ZFP62: variants seen among roughly 807,000 people sequenced by gnomAD.
The protein encoded by ZFP62 is ZFP62 zinc finger protein, also known as zinc finger protein 62 homolog.
A neutral mutation model predicts 56.4 loss-of-function variants in ZFP62; 44 were observed. The ratio of observed to expected loss-of-function variants is 0.78; its 90% CI spans 0.61 to 1.00. The LOEUF (loss-of-function observed/expected upper bound fraction) is 1.00, where lower values mean the gene tolerates loss of function less well. Among genes scored for constraint, ZFP62 ranks in the 50% least tolerant of loss-of-function variants. ZFP62 has a pLI of 0.00. For missense variants in ZFP62, 1,030 were observed against 1,085.7 expected (o/e 0.95, Z 0.72); for synonymous variants, 421 against 388.9 (o/e 1.08, Z -0.97).
In ZFP62 at chr5:180,850,994, C is replaced by T; in HGVS notation, c.501G>A (p.Lys167=). 2 of 1,552,100 alleles carry T rather than the reference C, an allele frequency of 1.3e-6. No homozygotes were observed. Among genetic ancestry groups the T allele is most frequent in the Non-Finnish European group, 8.7e-7 (1 of 1,147,284 alleles). The change falls in exon 2 of 2, where the codon AAG becomes AAA. Residue 167 remains lysine, a synonymous_variant. Transcript: ENST00000502412. Reference sequence around the variant, plus strand: ...CTCCACAGTCATCACATTCATAGCGCTTTTCCCCAGTGTGCATAATTTTAT... The same window carrying T: ...CTCCACAGTCATCACATTCATAGCGTTTTTCCCCAGTGTGCATAATTTTAT... ...VQHKIMHTGE[K]RYECDDCGGT...
the ZFP62 span, among the ~76,000 whole-genome samples, chr5:180,841,734 T>C: frequency 8.5e-5 from 13 of 152,252 alleles, no homozygotes; most frequent in African/African-American, 3.1e-4. Context: ...AAAATAAAGC[T>C]ACATTTGAGA....
chr5:180,859,185 T>C (rs532115746), intron 1 of ZFP62, among the ~76,000 whole-genome samples: 1 of 152,192 alleles, frequency 6.6e-6, no homozygotes, highest in Non-Finnish European at 1.5e-5. Flanking sequence ...CGACTTTCAA[T>C]TTGCAGAGTC....
At chr5:180,828,207 G>A in the ZFP62 span, among the ~76,000 whole-genome samples, 10 of 152,294 alleles carry the variant, frequency 6.6e-5, no homozygotes, top group East Asian at 1.5e-3. Flanking sequence ...ACACCCACAG[G>A]TGTGGAGGGG....
At chr5:180,858,569 T>C (rs1177323775) in intron 1 of ZFP62, among the ~76,000 whole-genome samples, 10 of 151,980 alleles carry the variant, frequency 6.6e-5, no homozygotes, top group Admixed American at 3.3e-4. Context: ...GATAGCGCCA[T>C]TGCACTCCAG....
chr5:180,853,150 G>A (rs375632759), intron 1 of ZFP62, among the ~76,000 whole-genome samples: 1 of 152,204 alleles, frequency 6.6e-6, no homozygotes, highest in Middle Eastern at 3.2e-3. Flanking sequence ...AGCATTAATT[G>A]TAACTGCAAA....
Position 180,847,966 on chromosome 5 carries a change from G to T in ZFP62, c.*826C>A, listed in dbSNP as rs1199261511. On this transcript the variant is annotated 3_prime_UTR_variant, in exon 2 of 2. Coordinates refer to ENST00000502412, the MANE Select transcript of ZFP62 (RefSeq NM_001172638.2). ...TTGACGGTGTGTTCCATTAGTTACT[G>T]AATGTGTCAAAATCCTCTCCACGGT... The T allele has an allele frequency of 3.0e-6, 3 of 985,268 alleles. No homozygotes were observed. In the African/African-American group the frequency reaches 5.2e-5, roughly 17 times the overall value. The allele number at this position is 985,268 out of a possible 1,614,324, so 61.0% of individuals were successfully genotyped here. A position where few individuals can be genotyped will look rare whatever the true frequency, so the allele number is the denominator to read the frequency against.
downstream of ZFP62, among the ~76,000 whole-genome samples, chr5:180,843,505 C>T (rs1014815464): frequency 6.6e-6 from 1 of 151,984 alleles, no homozygotes; most frequent in Non-Finnish European, 1.5e-5. Context: ...AGAGAAATGC[C>T]ATATAACGGT....
Position 180,849,449 on chromosome 5 carries a change from G to A in ZFP62, c.2046C>T (p.Tyr682=), listed in dbSNP as rs1045411814. 1.9e-6 allele frequency: 3 copies of A among 1,551,970 alleles called. No homozygotes were observed. Among genetic ancestry groups the A allele is most frequent in the Non-Finnish European group, 2.6e-6 (3 of 1,147,092 alleles). ...PYECDVCGKA[Y]ISHSSLINHK... ...GGTTAATAAGGCTTGAGTGTGAGAT[G>A]TAGGCTTTTCCACACACATCACATT... is the stretch of plus-strand genomic sequence containing the variant. Residue 682 remains tyrosine, a synonymous_variant, in exon 2 of 2, where the codon TAC becomes TAT. Transcript: ENST00000502412.
At chr5:180,840,987 T>G in the ZFP62 span, among the ~76,000 whole-genome samples, 1 of 152,096 alleles carries the variant, frequency 6.6e-6, no homozygotes, top group Non-Finnish European at 1.5e-5. Context: ...ACTCCATGAT[T>G]TGTGCTGAGG....
At chr5:180,841,297 A>C in the ZFP62 span, among the ~76,000 whole-genome samples, 4 of 124,014 alleles carry the variant, frequency 3.2e-5, no homozygotes, top group Non-Finnish European at 6.5e-5. Context: ...ATATATACAT[A>C]CACATATATA....
Position 180,849,412 on chromosome 5 carries a change from G to A in ZFP62, c.2083C>T (p.His695Tyr). ...HSSLINHKSTHPGRTPHTCDE... is the reference protein window; with the variant it reads ...HSSLINHKSTYPGRTPHTCDE... ...CATGTATGGGGTGTCCTGCCAGGGT[G>A]GGTACTCTTATGGTTAATAAGGCTT... Residue 695 changes from histidine to tyrosine, a missense_variant, in exon 2 of 2, where the codon CAC becomes TAC. Physicochemically the swap from His to Tyr is moderately conservative, Grantham distance 83 (BLOSUM62 2). Transcript: ENST00000502412. 1 of 1,551,226 alleles carries A rather than the reference G, an allele frequency of 6.4e-7. No homozygotes were observed. Among genetic ancestry groups the A allele is most frequent in the Non-Finnish European group, 8.7e-7 (1 of 1,146,662 alleles).
At chr5:180,827,794 G>A in the ZFP62 span, among the ~76,000 whole-genome samples, 3 of 152,194 alleles carry the variant, frequency 2.0e-5, no homozygotes, top group East Asian at 1.9e-4. Context: ...GGAATGTCTC[G>A]GTATAAAACC....
rs1479900892 is a variant in ZFP62 at position 180,849,846 on chromosome 5, A to G, written c.1649T>C (p.Val550Ala). 4 of 1,551,754 alleles carry G rather than the reference A, an allele frequency of 2.6e-6. No individual in the cohort carries two copies. In the South Asian group the frequency reaches 4.8e-5, roughly 18 times the overall value. ...TTCCCCAGTGTGGATTCGTTTATGT[A>G]CTTTAAGGCCAGAATTATTTCTGAA... is the stretch of plus-strand genomic sequence containing the variant. ...KAFRNNSGLK[V>A]HKRIHTGERP... The change falls in exon 2 of 2, where the codon GTA becomes GCA. Residue 550 changes from valine (V) to alanine (A), a missense_variant. Coordinates refer to ENST00000502412, the MANE Select transcript of ZFP62 (RefSeq NM_001172638.2).
the ZFP62 span, among the ~76,000 whole-genome samples, chr5:180,828,107 C>A: frequency 7.9e-5 from 12 of 151,890 alleles, no homozygotes; most frequent in African/African-American, 2.9e-4. Flanking sequence ...ATATGCTGAA[C>A]GCTGGTTCCC....
downstream of ZFP62, chr5:180,845,782 G>A (rs918090879): frequency 9.4e-5 from 93 of 985,280 alleles, no homozygotes; most frequent in Non-Finnish European, 1.1e-4. Flanking sequence ...TGTTGTCCTG[G>A]TGGTGATCCT....
chr5:180,838,677 A>G, the ZFP62 span, among the ~76,000 whole-genome samples: 3 of 152,244 alleles, frequency 2.0e-5, no homozygotes, highest in African/African-American at 7.2e-5. Context: ...GTTTTATACT[A>G]TACTTCTTTG....
the ZFP62 span, among the ~76,000 whole-genome samples, chr5:180,833,351 T>C: frequency 2.6e-5 from 4 of 151,500 alleles, no homozygotes; most frequent in African/African-American, 9.7e-5. Context: ...TGGCAGCGGG[T>C]GCCTGTAGTC....
At chr5:180,835,577 TTTC>T in the ZFP62 span, 4 of 152,246 alleles carry the variant, frequency 2.6e-5, no homozygotes, top group Non-Finnish European at 4.4e-5. Context: ...TGGATAATAA[TTTC>T]TTACCACGGT....
At chr5:180,851,960 GA>G in intron 1 of ZFP62, 1 of 952,222 alleles carries the variant, frequency 1.1e-6, no homozygotes. Flanking sequence ...GCAGAGGACA[GA>G]CAAAACTAAA....
Sources: allele counts gnomAD v4.1 joint callset (sites outside exome capture counted in the v4.1 genomes callset), GRCh38; gene constraint gnomAD v4.1.1; transcripts MANE v1.5; gene names NCBI Gene and HGNC (gene_info 2026-07-23, HGNC 2026-07-21).